Variants in FAR2 observed in about 807,000 individuals in gnomAD.
FAR2 encodes epididymis secretory protein Li 81.
In FAR2, 19 loss-of-function variants were observed where a neutral mutation model predicts 56.0. That is an observed-to-expected ratio of 0.34 (90% CI 0.24 to 0.50). FAR2 has a LOEUF of 0.50. FAR2 is among the 20% of genes least tolerant of loss of function. The probability of loss-of-function intolerance (pLI) is 0.98; values close to 1 mark genes in which losing one functional copy is unlikely to be tolerated. For synonymous variants in FAR2, 219 were observed against 218.8 expected, an observed-to-expected ratio of 1.00 and a Z score of -0.01; for missense variants, 508 against 642.2, an observed-to-expected ratio of 0.79 and a Z score of 2.26.
rs555216191 is a variant in FAR2, at chr12:29,164,970, G to A, written c.-39+15563G>A. Among the ~76,000 whole-genome samples, 3 of 152,244 alleles carry A rather than the reference G, an allele frequency of 2.0e-5. No individual in the cohort carries two copies. The South Asian group carries it at 6.2e-4, about 32-fold the overall frequency. On this transcript the variant is annotated intron_variant, in intron 1 of 11. Coordinates refer to ENST00000536681, the MANE Select transcript of FAR2 (RefSeq NM_001271783.2). Reference sequence around the variant, plus strand: ...TGCCTGGTGTCATAAACAGATTAACGATGACTCATACTGTTGGTTTATAAT... The same window carrying A: ...TGCCTGGTGTCATAAACAGATTAACAATGACTCATACTGTTGGTTTATAAT...
chr12:29,181,563 T>C (rs1949991970), intron 1 of FAR2, among the ~76,000 whole-genome samples: 1 of 146,382 alleles, frequency 6.8e-6, no homozygotes, highest in Admixed American at 6.7e-5. Context: ...ACAGAGAAGA[T>C]GCAAGACAGT....
At chr12:29,324,778 C>T (rs1173256710) in intron 10 of FAR2, among the ~76,000 whole-genome samples, 1 of 152,140 alleles carries the variant, frequency 6.6e-6, no homozygotes, top group Non-Finnish European at 1.5e-5. Context: ...ACAACTGATA[C>T]CAGCCACTGC....
chr12:29,249,058 A>G (rs1412119755), intron 1 of FAR2, among the ~76,000 whole-genome samples: 1 of 152,164 alleles, frequency 6.6e-6, no homozygotes, highest in African/African-American at 2.4e-5. Flanking sequence ...GGGTCCTGAG[A>G]TGACATATAT....
At chr12:29,167,318 C>G (rs557854540) in intron 1 of FAR2, among the ~76,000 whole-genome samples, 1 of 152,148 alleles carries the variant, frequency 6.6e-6, no homozygotes, top group Non-Finnish European at 1.5e-5. Flanking sequence ...TCACACTCCA[C>G]AGAGAAAAGA....
At chr12:29,214,487 G>C (rs759654454) in intron 1 of FAR2, among the ~76,000 whole-genome samples, 2 of 152,122 alleles carry the variant, frequency 1.3e-5, no homozygotes, top group Non-Finnish European at 2.9e-5. Flanking sequence ...AAATAAATGA[G>C]AACATGAACC....
At chr12:29,315,136 T>C (rs1365636995) in intron 8 of FAR2, among the ~76,000 whole-genome samples, 1 of 152,194 alleles carries the variant, frequency 6.6e-6, no homozygotes, top group Non-Finnish European at 1.5e-5. Flanking sequence ...GCTGCTATTT[T>C]ATATGTGATG....
Position 29,184,473 on chromosome 12 carries a change from C to T in FAR2, c.-39+35066C>T, listed in dbSNP as rs1198323450. Among the ~76,000 whole-genome samples, 5 of 127,990 alleles carry T rather than the reference C, an allele frequency of 3.9e-5. No homozygotes were observed. In the East Asian group the frequency reaches 7.2e-4, roughly 19 times the overall value. 84.0% of individuals were successfully genotyped at this position (127,990 alleles called of 152,430 possible). On this transcript the variant is annotated intron_variant, in intron 1 of 11. Transcript: ENST00000536681. ...TTTTTGAGATGGAGTCTCGCCCTGT[C>T]GCCCAGGCTGGAGTGCAGTGGCGCG... is the stretch of plus-strand genomic sequence containing the variant.
chr12:29,175,417 C>T (rs1191219715), intron 1 of FAR2, among the ~76,000 whole-genome samples: 4 of 152,170 alleles, frequency 2.6e-5, no homozygotes, highest in Admixed American at 1.3e-4. Context: ...CAGACCTTCA[C>T]GGCAAGTGTT....
Position 29,311,901 on chromosome 12 carries a change from C to G in FAR2, c.906C>G (p.Val302=). Residue 302 remains valine, a synonymous_variant, in exon 8 of 12, where the codon GTC becomes GTG. Transcript: ENST00000536681. ...TTTCCAGACCTAAGTCAACATTAGT[C>G]TACCACATTACATCTGGTAACATGA... ...TAVHRPKSTL[V]YHITSGNMNP... 1.2e-6 allele frequency: 2 copies of G among 1,609,828 alleles called. No homozygotes were observed. Among genetic ancestry groups the G allele is most frequent in the Non-Finnish European group, 1.7e-6 (2 of 1,177,630 alleles).
intron 1 of FAR2, among the ~76,000 whole-genome samples, chr12:29,165,325 C>A (rs1192522572): frequency 2.0e-5 from 3 of 152,164 alleles, no homozygotes; most frequent in Non-Finnish European, 2.9e-5. Flanking sequence ...CAAATTATGG[C>A]TGATTAAAAT....
chr12:29,212,726 T>C (rs1947566134), intron 1 of FAR2, among the ~76,000 whole-genome samples: 1 of 152,224 alleles, frequency 6.6e-6, no homozygotes, highest in African/African-American at 2.4e-5. Flanking sequence ...CCAAGTTTTA[T>C]TACCTAAACT....
intron 1 of FAR2, among the ~76,000 whole-genome samples, chr12:29,152,215 A>T (rs1561132): frequency 6.6e-6 from 1 of 152,106 alleles, no homozygotes; most frequent in Non-Finnish European, 1.5e-5. Flanking sequence ...TGAGCCAATG[A>T]CTGAAATTTT....
chr12:29,228,293 A>G (rs528310781), intron 1 of FAR2, among the ~76,000 whole-genome samples: 1 of 152,312 alleles, frequency 6.6e-6, no homozygotes, highest in African/African-American at 2.4e-5. Context: ...ACAACAACAA[A>G]AAGTCAGGAT....
chr12:29,302,344 G>T (rs999623045), intron 4 of FAR2, among the ~76,000 whole-genome samples: 4 of 152,108 alleles, frequency 2.6e-5, no homozygotes, highest in African/African-American at 9.7e-5. Flanking sequence ...TACACGTGTG[G>T]TGGTGGGGAA....
At chr12:29,182,996 T>A (rs371721546) in intron 1 of FAR2, among the ~76,000 whole-genome samples, 10 of 150,516 alleles carry the variant, frequency 6.6e-5, no homozygotes, top group East Asian at 3.9e-4. Context: ...ATCTGACCTG[T>A]AATCCTGTTC....
intron 1 of FAR2, among the ~76,000 whole-genome samples, chr12:29,160,716 CCT>C (rs1343325769): frequency 2.0e-5 from 3 of 152,044 alleles, no homozygotes; most frequent in African/African-American, 7.2e-5. Context: ...CTGTTCCAGA[CCT>C]CTCTTTGCTA....
chr12:29,314,794 ATT>A (rs1261709037), intron 8 of FAR2, among the ~76,000 whole-genome samples: 4 of 152,024 alleles, frequency 2.6e-5, no homozygotes, highest in Non-Finnish European at 4.4e-5. Context: ...TATTATTATT[ATT>A]TTTTTACCTC....
chr12:29,315,733 T>TA (rs905032187), intron 8 of FAR2, among the ~76,000 whole-genome samples: 3 of 152,138 alleles, frequency 2.0e-5, no homozygotes, highest in Non-Finnish European at 2.9e-5. Context: ...GCTGAACTAC[T>TA]AAAAAAACTG....
chr12:29,179,640 A>G (rs1043719060), intron 1 of FAR2, among the ~76,000 whole-genome samples: 1 of 152,176 alleles, frequency 6.6e-6, no homozygotes, highest in Non-Finnish European at 1.5e-5. Flanking sequence ...CAGGCAGTCC[A>G]TGGCCATTCT....
Sources: allele counts gnomAD v4.1 joint callset (sites outside exome capture counted in the v4.1 genomes callset), GRCh38; gene constraint gnomAD v4.1.1; transcripts MANE v1.5; gene names NCBI Gene and HGNC (gene_info 2026-07-23, HGNC 2026-07-21).